HS3ST3A1: variants seen among roughly 807,000 people sequenced by gnomAD.
The protein encoded by HS3ST3A1 is heparan sulfate-glucosamine 3-sulfotransferase 3A1.
HS3ST3A1 carries 19 observed loss-of-function variants against 25.7 expected under a neutral mutation model. The observed-to-expected ratio is 0.74, with a 90% CI of 0.52 to 1.08. The LOEUF is 1.08. Ranked by LOEUF, HS3ST3A1 falls within the 50% of genes least tolerant of loss-of-function variation. The pLI is 0.00. For missense variants in HS3ST3A1, 459 were observed against 594.3 expected (o/e 0.77, Z 2.37); for synonymous variants, 226 against 278.6 (o/e 0.81, Z 1.88).
At chr17:13,597,023 T>C (rs1041754053) in intron 1 of HS3ST3A1, among the ~76,000 whole-genome samples, 1 of 152,152 alleles carries the variant, frequency 6.6e-6, no homozygotes, top group Admixed American at 6.5e-5. Context: ...GATCTTCCTG[T>C]ATGCTCTAGA....
At chr17:13,567,241 G>A (rs1567625674) in intron 1 of HS3ST3A1, among the ~76,000 whole-genome samples, 1 of 152,126 alleles carries the variant, frequency 6.6e-6, no homozygotes, top group East Asian at 1.9e-4. Context: ...TTTACAGCAT[G>A]GTTTACTGAA....
chr17:13,561,101 A>G (rs1907535839), intron 1 of HS3ST3A1, among the ~76,000 whole-genome samples: 1 of 152,176 alleles, frequency 6.6e-6, no homozygotes, highest in South Asian at 2.1e-4. Context: ...TAAAAGATGC[A>G]GAGATGCCTT....
At chr17:13,598,731 C>A (rs965041469) in intron 1 of HS3ST3A1, among the ~76,000 whole-genome samples, 1 of 151,770 alleles carries the variant, frequency 6.6e-6, no homozygotes, top group Non-Finnish European at 1.5e-5. Context: ...AACCTTCCTC[C>A]CCTTACAGGA....
intron 1 of HS3ST3A1, among the ~76,000 whole-genome samples, chr17:13,527,142 A>T (rs767981019): frequency 1.3e-5 from 2 of 152,192 alleles, no homozygotes; most frequent in Non-Finnish European, 2.9e-5. Context: ...AGCAGGTCCC[A>T]GGACTGAACC....
chr17:13,569,348 C>A (rs992191255), intron 1 of HS3ST3A1, among the ~76,000 whole-genome samples: 1 of 152,186 alleles, frequency 6.6e-6, no homozygotes, highest in Non-Finnish European at 1.5e-5. Flanking sequence ...AGAAGTAGAT[C>A]ACTTCTTTCT....
rs201632008 is a variant in HS3ST3A1 at position 13,562,653 on chromosome 17, GC to G, written c.599+37877del. 9.2e-3 allele frequency among the ~76,000 whole-genome samples: 1,400 copies of G among 152,002 alleles called. 17 individuals are homozygous for G. Among genetic ancestry groups the G allele is most frequent in the African/African-American group, 0.032 (1,322 of 41,446 alleles). ...AATAGAACTCCCATCCCCAACCCTG[GC>G]CAGGCAGAGAATTTATGAGCTCTAA... On this transcript the variant is annotated intron_variant, in intron 1 of 1. Transcript: ENST00000284110.
intron 1 of HS3ST3A1, among the ~76,000 whole-genome samples, chr17:13,596,844 C>T (rs1454863998): frequency 1.3e-5 from 2 of 152,098 alleles, no homozygotes; most frequent in Admixed American, 1.3e-4. Context: ...CTGCTCCCAG[C>T]TGCTACGAAA....
intron 1 of HS3ST3A1, among the ~76,000 whole-genome samples, chr17:13,596,245 T>C (rs565380972): frequency 4.0e-4 from 61 of 152,224 alleles, no homozygotes; most frequent in Non-Finnish European, 6.5e-4. Flanking sequence ...TTTTTGGTGT[T>C]GTTTAATGCC....
chr17:13,543,449 T>A (rs1906993891), intron 1 of HS3ST3A1: 1 of 167,670 alleles, frequency 6.0e-6, no homozygotes, highest in Non-Finnish European at 1.5e-5. Context: ...CCAAGCAGAC[T>A]AATACAGTGC....
At chr17:13,587,347 G>C (rs1198552751) in intron 1 of HS3ST3A1, among the ~76,000 whole-genome samples, 1 of 152,104 alleles carries the variant, frequency 6.6e-6, no homozygotes, top group Non-Finnish European at 1.5e-5. Context: ...CCAGCTACTC[G>C]GGAGGCCGAG....
intron 1 of HS3ST3A1, among the ~76,000 whole-genome samples, chr17:13,500,428 C>A (rs758965622): frequency 2.9e-4 from 44 of 152,260 alleles, no homozygotes; most frequent in Admixed American, 2.0e-3. Context: ...AGTGAAAGAT[C>A]TATTACAGTA....
Position 13,494,392 on chromosome 17 carries a change from C to T in HS3ST3A1, c.*1805G>A, listed in dbSNP as rs1209691524. 6.6e-6 allele frequency among the ~76,000 whole-genome samples: 1 copy of T among 152,192 alleles called. No homozygotes were observed. The highest frequency in any genetic ancestry group is 1.5e-5 in the Non-Finnish European group (1 of 68,032). On this transcript the variant is annotated 3_prime_UTR_variant, in exon 2 of 2. Transcript: ENST00000284110. ...TTTGGAGCAATGACAAAATATCTAA[C>T]ACTTAAAATATTTTTTCCTTCATTT...
chr17:13,515,963 C>T (rs1329250830), intron 1 of HS3ST3A1, among the ~76,000 whole-genome samples: 1 of 151,994 alleles, frequency 6.6e-6, no homozygotes, highest in African/African-American at 2.4e-5. Flanking sequence ...CAGTTTTTTG[C>T]CCATTTTTAC....
intron 1 of HS3ST3A1, among the ~76,000 whole-genome samples, chr17:13,594,028 T>C (rs900021518): frequency 6.6e-6 from 1 of 152,206 alleles, no homozygotes; most frequent in East Asian, 1.9e-4. Context: ...TTGTTTTGTA[T>C]GATCCTGACA....
At chr17:13,514,123 T>C (rs946607261) in intron 1 of HS3ST3A1, among the ~76,000 whole-genome samples, 14 of 152,080 alleles carry the variant, frequency 9.2e-5, no homozygotes, top group Admixed American at 2.0e-4. Flanking sequence ...TTTTGTCTAT[T>C]TTTTTCTAAT....
intron 1 of HS3ST3A1, among the ~76,000 whole-genome samples, chr17:13,566,080 G>A (rs959783567): frequency 3.9e-5 from 6 of 152,112 alleles, no homozygotes; most frequent in Non-Finnish European, 4.4e-5. Flanking sequence ...ACTGTGCATT[G>A]CAGATATTGC....
intron 1 of HS3ST3A1, among the ~76,000 whole-genome samples, chr17:13,556,243 C>T (rs557173699): frequency 2.0e-5 from 3 of 152,210 alleles, no homozygotes; most frequent in African/African-American, 2.4e-5. Context: ...CGCGGTGGCT[C>T]ACATCTGTAA....
intron 1 of HS3ST3A1, among the ~76,000 whole-genome samples, chr17:13,598,905 A>T (rs1000063977): frequency 2.0e-5 from 3 of 152,250 alleles, no homozygotes; most frequent in African/African-American, 7.2e-5. Flanking sequence ...ACCATATTTA[A>T]TAGCACCTCA....
intron 1 of HS3ST3A1, among the ~76,000 whole-genome samples, chr17:13,545,942 A>G (rs928846097): frequency 6.6e-6 from 1 of 151,900 alleles, no homozygotes; most frequent in African/African-American, 2.4e-5. Context: ...GTGTCACTGC[A>G]CTCCAGCCTG....
Sources: allele counts gnomAD v4.1 joint callset (sites outside exome capture counted in the v4.1 genomes callset), GRCh38; gene constraint gnomAD v4.1.1; transcripts MANE v1.5; gene names NCBI Gene and HGNC (gene_info 2026-07-23, HGNC 2026-07-21).